ABLIM1: variants seen among roughly 807,000 people sequenced by gnomAD.
ABLIM1 encodes actin binding LIM protein 1, also known as actin-binding LIM protein 1.
Under a neutral mutation model 107.0 loss-of-function variants are expected in ABLIM1, and 40 were observed. The observed-to-expected ratio is 0.37, with a 90% CI of 0.29 to 0.49. The LOEUF is 0.49. Among genes scored for constraint, ABLIM1 ranks in the 20% least tolerant of loss-of-function variants. The pLI is 0.97. For synonymous variants in ABLIM1, 357 were observed against 357.3 expected (o/e 1.00, Z 0.01); for missense variants, 857 against 1,008.5 (o/e 0.85, Z 2.04).
At chr10:114,683,150 G>T (rs1413056079) in intron 1 of ABLIM1, among the ~76,000 whole-genome samples, 1 of 152,204 alleles carries the variant, frequency 6.6e-6, no homozygotes, top group Non-Finnish European at 1.5e-5. Context: ...GAATGTCAAA[G>T]AATCTTGTGT....
intron 1 of ABLIM1, chr10:114,768,005 C>A: frequency 2.4e-6 from 1 of 424,320 alleles, no homozygotes; most frequent in Non-Finnish European, 4.7e-6. Flanking sequence ...CCCGCCCTCC[C>A]GCACCTGTTC....
intron 6 of ABLIM1, among the ~76,000 whole-genome samples, chr10:114,521,432 AAC>A (rs2063718608): frequency 6.6e-6 from 1 of 152,208 alleles, no homozygotes; most frequent in African/African-American, 2.4e-5. Flanking sequence ...TTACAACCAT[AAC>A]CACCTTTATT....
Position 114,629,077 on chromosome 10 carries a change from T to C in ABLIM1, c.245-27116A>G, listed in dbSNP as rs1366029960. On this transcript the variant is annotated intron_variant, in intron 1 of 22. Transcript: ENST00000533213. This position sits in a 1 kb window ranked among gnomAD's most constrained non-coding sequence, Gnocchi z 4.0. ...ATCAATAAGTGTCTGCAGCTGGAAG[T>C]GAATGGGTGCCTGGTCAGGAGAACA... is the stretch of plus-strand genomic sequence containing the variant. Among the ~76,000 whole-genome samples, 1 of 152,090 alleles carries C rather than the reference T, an allele frequency of 6.6e-6. No homozygotes were observed. The highest frequency in any genetic ancestry group is 1.9e-4 in the East Asian group (1 of 5,192).
At chr10:114,631,806 C>T in intron 1 of ABLIM1, 10 of 1,240,036 alleles carry the variant, frequency 8.1e-6, no homozygotes, top group Non-Finnish European at 1.1e-5. Context: ...ACATGTCCGC[C>T]CGGCTTTCGA....
chr10:114,498,988 T>C (rs1170589732), intron 6 of ABLIM1, among the ~76,000 whole-genome samples: 2 of 152,198 alleles, frequency 1.3e-5, no homozygotes, highest in Non-Finnish European at 2.9e-5. Context: ...CCCTATGAGG[T>C]AGGTCGGTGC....
At position 114,432,788 on chromosome 10, in the gene ABLIM1, C is replaced by A. The variant is rs981235322; in HGVS notation, c.*3472G>T. On this transcript the variant is annotated 3_prime_UTR_variant, in exon 23 of 23. Transcript: ENST00000533213. Reference sequence around the variant, plus strand: ...GAGCCCATGACAGATAGAAAACTACCCCCATTTAAAAAAAAACAACAACTC... The same window carrying A: ...GAGCCCATGACAGATAGAAAACTACACCCATTTAAAAAAAAACAACAACTC... 2 of 151,920 alleles carry A rather than the reference C, an allele frequency of 1.3e-5. No homozygotes were observed. The highest frequency in any genetic ancestry group is 2.9e-5 in the Non-Finnish European group (2 of 67,990). The allele number at this position is 151,920 out of a possible 1,614,324, so 9.4% of individuals were successfully genotyped here. A position where few individuals can be genotyped will look rare whatever the true frequency, so the allele number is the denominator to read the frequency against.
intron 12 of ABLIM1, among the ~76,000 whole-genome samples, chr10:114,464,308 C>T (rs557293237): frequency 6.6e-6 from 1 of 151,952 alleles, no homozygotes; most frequent in Middle Eastern, 3.4e-3. Context: ...GTCTCAGCCT[C>T]CCAAGTAGCT....
intron 1 of ABLIM1, among the ~76,000 whole-genome samples, chr10:114,704,403 A>G (rs1418918890): frequency 6.7e-6 from 1 of 150,158 alleles, no homozygotes; most frequent in Non-Finnish European, 1.5e-5. Context: ...ATAAACTATT[A>G]AAATGTAACT....
chr10:114,460,592 C>T (rs1296133412), intron 12 of ABLIM1, among the ~76,000 whole-genome samples: 1 of 152,160 alleles, frequency 6.6e-6, no homozygotes, highest in East Asian at 1.9e-4. Context: ...CACAGTGAGA[C>T]TCTGTCTCCA....
In ABLIM1 at chr10:114,658,205, G is replaced by A. The variant is rs543197112; in HGVS notation, c.-5C>T. The stretch of plus-strand genomic sequence containing the variant: ...TAGACCAAGGAAGGCAGGCATCTTG[G>A]CATGGATTTCCAAGCAATGAGAAAT... On this transcript the variant is annotated 5_prime_UTR_variant, in exon 1 of 23. Coordinates refer to ENST00000533213, the MANE Select transcript of ABLIM1 (RefSeq NM_002313.7). 2 of 1,598,038 alleles carry A rather than the reference G, an allele frequency of 1.3e-6. No homozygotes were observed. Among genetic ancestry groups the A allele is most frequent in the African/African-American group, 2.7e-5 (2 of 74,650 alleles).
chr10:114,798,558 C>T, the ABLIM1 span, among the ~76,000 whole-genome samples: 1 of 135,576 alleles, frequency 7.4e-6, no homozygotes, highest in East Asian at 2.0e-4. Flanking sequence ...ATGATGAGAC[C>T]CCCCCCCCAT....
chr10:114,669,419 C>T (rs753777314), intron 1 of ABLIM1, among the ~76,000 whole-genome samples: 1 of 152,150 alleles, frequency 6.6e-6, no homozygotes, highest in Non-Finnish European at 1.5e-5. Flanking sequence ...TAAGAGGATG[C>T]AGATTTGCAA....
chr10:114,539,070 G>T (rs116218381), intron 6 of ABLIM1, among the ~76,000 whole-genome samples: 1 of 152,200 alleles, frequency 6.6e-6, no homozygotes, highest in African/African-American at 2.4e-5. Flanking sequence ...ATCCAAAGAG[G>T]TATGGGGCTG....
chr10:114,698,457 T>C (rs919180026), intron 1 of ABLIM1, among the ~76,000 whole-genome samples: 2 of 146,704 alleles, frequency 1.4e-5, no homozygotes, highest in South Asian at 4.3e-4. Context: ...CCAATATCTA[T>C]TGAATAGGAG....
chr10:114,603,850 G>C (rs1025513707), intron 1 of ABLIM1, among the ~76,000 whole-genome samples: 9 of 151,614 alleles, frequency 5.9e-5, no homozygotes, highest in Admixed American at 3.9e-4. Context: ...CTACTCAGGG[G>C]GCTGAGGCAG....
intron 6 of ABLIM1, among the ~76,000 whole-genome samples, chr10:114,536,227 GTTTTTTTTTTTTTTTTTTTTTTT>G (rs536435789): frequency 1.8e-5 from 1 of 56,222 alleles, no homozygotes; most frequent in Non-Finnish European, 3.1e-5. Context: ...TTCTTTCTTT[GTTTTTTTTTTTTTTTTTTTTTTT>G]TTTTTTTTTT....
intron 1 of ABLIM1, among the ~76,000 whole-genome samples, chr10:114,604,052 G>A (rs1215337419): frequency 6.6e-6 from 1 of 152,030 alleles, no homozygotes; most frequent in Non-Finnish European, 1.5e-5. Context: ...GAAGACAAGT[G>A]GTATTTATTG....
intron 6 of ABLIM1, among the ~76,000 whole-genome samples, chr10:114,537,694 G>T (rs1457953287): frequency 6.6e-6 from 1 of 152,216 alleles, no homozygotes; most frequent in Non-Finnish European, 1.5e-5. Context: ...TCAGGATACA[G>T]TGGTGGCTTA....
intron 3 of ABLIM1, among the ~76,000 whole-genome samples, chr10:114,573,607 A>G (rs1174909798): frequency 1.3e-5 from 2 of 152,238 alleles, no homozygotes; most frequent in East Asian, 3.8e-4. Flanking sequence ...AGAACCCTCC[A>G]GAAACTACTA....
Sources: allele counts gnomAD v4.1 joint callset (sites outside exome capture counted in the v4.1 genomes callset), GRCh38; gene constraint gnomAD v4.1.1; non-coding constraint Gnocchi (gnomAD v3.1); transcripts MANE v1.5; gene names NCBI Gene and HGNC (gene_info 2026-07-23, HGNC 2026-07-21).